BBS9: variants seen among roughly 807,000 people sequenced by gnomAD.
BBS9 encodes the protein Bardet-Biedl syndrome 9, also known as protein PTHB1.
Under a neutral mutation model 117.7 loss-of-function variants are expected in BBS9, and 89 were observed. The ratio of observed to expected loss-of-function variants is 0.76; its 90% confidence interval spans 0.64 to 0.90. The LOEUF (loss-of-function observed/expected upper bound fraction) is 0.90. Ranked by LOEUF, BBS9 falls within the 40% of genes least tolerant of loss-of-function variation. BBS9 has a pLI of 0.00. For synonymous variants in BBS9, 379 were observed against 370.9 expected (o/e 1.02, Z -0.25); for missense variants, 982 against 1,042.2 (o/e 0.94, Z 0.80).
At chr7:33,278,012 T>A (rs1229965451) in intron 9 of BBS9, among the ~76,000 whole-genome samples, 1 of 152,160 alleles carries the variant, frequency 6.6e-6, no homozygotes, top group Admixed American at 6.5e-5. Context: ...GGAAGGGCTA[T>A]TTTTACTTAA....
intron 19 of BBS9, among the ~76,000 whole-genome samples, chr7:33,389,763 T>C (rs896661935): frequency 6.6e-6 from 1 of 150,870 alleles, no homozygotes; most frequent in Non-Finnish European, 1.5e-5. Context: ...CAGTCTATAG[T>C]AGCAGTGGAA....
intron 19 of BBS9, among the ~76,000 whole-genome samples, chr7:33,409,495 T>C (rs1010298137): frequency 2.9e-4 from 44 of 152,206 alleles, no homozygotes; most frequent in African/African-American, 9.2e-4. Flanking sequence ...GGTTCTGTAT[T>C]ATCTTCTATT....
chr7:33,566,169 G>A (rs1187323299), intron 21 of BBS9, among the ~76,000 whole-genome samples: 1 of 151,458 alleles, frequency 6.6e-6, no homozygotes, highest in Non-Finnish European at 1.5e-5. Context: ...ATATACTGAT[G>A]GAAAAGATTG....
intron 21 of BBS9, among the ~76,000 whole-genome samples, chr7:33,569,252 G>T (rs1055586800): frequency 6.6e-6 from 1 of 152,160 alleles, no homozygotes; most frequent in African/African-American, 2.4e-5. Flanking sequence ...GTGAATTTGT[G>T]TATCCTAGCA....
chr7:33,315,034 T>C (rs771012901), intron 9 of BBS9, among the ~76,000 whole-genome samples: 6 of 152,272 alleles, frequency 3.9e-5, no homozygotes, highest in Non-Finnish European at 5.9e-5. Context: ...ATTCTATGGG[T>C]TAATTTTGGG....
chr7:33,354,915 A>C (rs1029100720), intron 15 of BBS9, among the ~76,000 whole-genome samples: 2 of 152,098 alleles, frequency 1.3e-5, no homozygotes, highest in Non-Finnish European at 2.9e-5. Context: ...AGGTGATTAT[A>C]TCTGGTAAAA....
At chr7:33,190,488 C>A (rs770200833) in intron 5 of BBS9, among the ~76,000 whole-genome samples, 1 of 152,056 alleles carries the variant, frequency 6.6e-6, no homozygotes, top group Non-Finnish European at 1.5e-5. Flanking sequence ...CTGAAGACTC[C>A]CTTGGTTGCA....
At chr7:33,329,120 A>C (rs1222633422) in intron 9 of BBS9, among the ~76,000 whole-genome samples, 1 of 152,084 alleles carries the variant, frequency 6.6e-6, no homozygotes, top group Non-Finnish European at 1.5e-5. Context: ...TCCCGGATTC[A>C]AGTGATTGTC....
intron 4 of BBS9, among the ~76,000 whole-genome samples, chr7:33,164,444 A>G (rs527736536): frequency 1.1e-4 from 17 of 152,284 alleles, no homozygotes; most frequent in African/African-American, 4.1e-4. Context: ...AAAGTCTCCC[A>G]TTATTATTGT....
intron 21 of BBS9, among the ~76,000 whole-genome samples, chr7:33,600,173 G>A (rs947386692): frequency 3.3e-5 from 5 of 152,036 alleles, no homozygotes; most frequent in African/African-American, 9.7e-5. Flanking sequence ...TCAAAGTATC[G>A]CCGGAAGACT....
chr7:33,442,184 G>T (rs1836305157), intron 19 of BBS9, among the ~76,000 whole-genome samples: 1 of 152,140 alleles, frequency 6.6e-6, no homozygotes, highest in Non-Finnish European at 1.5e-5. Context: ...GAGCCACCGT[G>T]CCTGACTGCT....
chr7:33,328,567 A>T (rs1813312861), intron 9 of BBS9, among the ~76,000 whole-genome samples: 1 of 152,228 alleles, frequency 6.6e-6, no homozygotes, highest in African/African-American at 2.4e-5. Context: ...TTACTGAGGT[A>T]GAATAAAATT....
At chr7:33,598,863 G>A (rs1448844843) in intron 21 of BBS9, among the ~76,000 whole-genome samples, 2 of 152,142 alleles carry the variant, frequency 1.3e-5, no homozygotes, top group South Asian at 4.1e-4. Flanking sequence ...GAAGCTTTCC[G>A]TGAGCCTTAG....
chr7:33,292,808 C>T (rs1461156374), intron 9 of BBS9, among the ~76,000 whole-genome samples: 3 of 152,050 alleles, frequency 2.0e-5, no homozygotes, highest in Non-Finnish European at 4.4e-5. Context: ...GACTTCGAGA[C>T]CAGCCTGACC....
intron 21 of BBS9, among the ~76,000 whole-genome samples, chr7:33,543,178 T>C (rs1314031370): frequency 9.2e-5 from 14 of 152,194 alleles, no homozygotes; most frequent in Admixed American, 2.6e-4. Context: ...TGGTATCCCA[T>C]TGTGGTTTTG....
intron 21 of BBS9, among the ~76,000 whole-genome samples, chr7:33,627,291 A>G (rs1263814950): frequency 6.6e-6 from 1 of 152,240 alleles, no homozygotes; most frequent in Non-Finnish European, 1.5e-5. Context: ...ATAAAGGGCA[A>G]GAGTTGAGGC....
At chr7:33,473,329 AC>A (rs1309832048) in intron 19 of BBS9, among the ~76,000 whole-genome samples, 1 of 40,432 alleles carries the variant, frequency 2.5e-5, no homozygotes, top group Non-Finnish European at 5.5e-5. Context: ...CCACCCCCTC[AC>A]CCCCCCGCCC....
chr7:33,282,528 T>C (rs1326588473), intron 9 of BBS9, among the ~76,000 whole-genome samples: 1 of 152,104 alleles, frequency 6.6e-6, no homozygotes, highest in East Asian at 1.9e-4. Flanking sequence ...CCCGCCACCA[T>C]GACTGGCTAA....
At chr7:33,534,932 C>T (rs1472871896) in intron 21 of BBS9, among the ~76,000 whole-genome samples, 1 of 152,162 alleles carries the variant, frequency 6.6e-6, no homozygotes, top group African/African-American at 2.4e-5. Flanking sequence ...CAGCAAGAAC[C>T]ACAGTGTGGG....
Sources: allele counts gnomAD v4.1 joint callset (sites outside exome capture counted in the v4.1 genomes callset), GRCh38; gene constraint gnomAD v4.1.1; transcripts MANE v1.5; gene names NCBI Gene and HGNC (gene_info 2026-07-23, HGNC 2026-07-21).